The following CDH4 variants were observed in gnomAD, a reference collection of about 807,000 sequenced individuals.
CDH4 encodes cadherin 4.
A neutral mutation model predicts 86.0 loss-of-function variants in CDH4; 33 were observed. That is an observed-to-expected ratio of 0.38 (90% CI 0.29 to 0.51). The LOEUF (loss-of-function observed/expected upper bound fraction) is 0.51, where lower values mean the gene tolerates loss of function less well. CDH4 is among the 20% of genes least tolerant of loss of function. The probability of loss-of-function intolerance (pLI) is 0.86; values close to 1 mark genes in which losing one functional copy is unlikely to be tolerated. For missense variants in CDH4, 1,114 were observed against 1,307.4 expected, an observed-to-expected ratio of 0.85 and a Z score of 2.28; for synonymous variants, 555 against 549.4, an observed-to-expected ratio of 1.01 and a Z score of -0.14.
chr20:61,849,923 A>G (rs1982637298), intron 5 of CDH4, among the ~76,000 whole-genome samples: 1 of 152,168 alleles, frequency 6.6e-6, no homozygotes, highest in Admixed American at 6.5e-5. Context: ...CCTTGGGGCC[A>G]TCTTAGAGTT....
At chr20:61,869,011 G>A (rs896877857) in intron 6 of CDH4, among the ~76,000 whole-genome samples, 5 of 152,314 alleles carry the variant, frequency 3.3e-5, no homozygotes, top group South Asian at 2.1e-4. Flanking sequence ...GCCTCTAGAC[G>A]TGGCAAACGT....
chr20:61,394,091 G>A (rs1279776364), intron 2 of CDH4, among the ~76,000 whole-genome samples: 1 of 152,152 alleles, frequency 6.6e-6, no homozygotes, highest in Non-Finnish European at 1.5e-5. Flanking sequence ...GAGCAGGAAG[G>A]AGGCCACCCT....
intron 2 of CDH4, among the ~76,000 whole-genome samples, chr20:61,468,950 A>C (rs1356705335): frequency 6.6e-6 from 1 of 152,212 alleles, no homozygotes; most frequent in South Asian, 2.1e-4. Flanking sequence ...TTCTTTGTCC[A>C]CTCATCTGTT....
chr20:61,711,479 C>T (rs2087892578), intron 2 of CDH4, among the ~76,000 whole-genome samples: 1 of 152,228 alleles, frequency 6.6e-6, no homozygotes, highest in Admixed American at 6.5e-5. Context: ...ATCCTGGAGG[C>T]CACCTGTGTT....
At chr20:61,265,476 G>GTCTC (rs2084153435) in intron 2 of CDH4, among the ~76,000 whole-genome samples, 6 of 121,500 alleles carry the variant, frequency 4.9e-5, no homozygotes, top group South Asian at 2.8e-4. Context: ...ATCTTACACA[G>GTCTC]ACCTCAGTGG....
intron 7 of CDH4, among the ~76,000 whole-genome samples, chr20:61,881,943 C>A (rs907333568): frequency 1.3e-5 from 2 of 152,220 alleles, no homozygotes; most frequent in Non-Finnish European, 2.9e-5. Context: ...GAGGGAGACA[C>A]AGGGGAGAAG....
At chr20:61,890,229 G>T (rs902898805) in intron 7 of CDH4, among the ~76,000 whole-genome samples, 1 of 150,806 alleles carries the variant, frequency 6.6e-6, no homozygotes, top group African/African-American at 2.4e-5. Context: ...TGGGTGAGTG[G>T]ATGGATGGAT....
chr20:61,932,082 G>GGGA (rs1262344994), intron 13 of CDH4, among the ~76,000 whole-genome samples: 1 of 152,068 alleles, frequency 6.6e-6, no homozygotes, highest in African/African-American at 2.4e-5. Flanking sequence ...TTCAATATGG[G>GGGA]GGAGTCCATC....
At chr20:61,868,797 G>T (rs62206356) in intron 6 of CDH4, among the ~76,000 whole-genome samples, 77,210 of 149,990 alleles carry the variant, frequency 0.51, 21,717 homozygotes, top group Non-Finnish European at 0.62. Flanking sequence ...TTGTCACCTG[G>T]TTTCCCCACC....
chr20:61,644,492 C>G (rs2087041510), intron 2 of CDH4, among the ~76,000 whole-genome samples: 1 of 152,144 alleles, frequency 6.6e-6, no homozygotes, highest in Admixed American at 6.5e-5. Flanking sequence ...CAGATACTTG[C>G]AATAAAGGAG....
chr20:61,426,553 T>C (rs906246922), intron 2 of CDH4, among the ~76,000 whole-genome samples: 1 of 152,226 alleles, frequency 6.6e-6, no homozygotes, highest in Non-Finnish European at 1.5e-5. Flanking sequence ...CCCTTCCCCG[T>C]CACCTGCCTT....
At chr20:61,449,053 C>T (rs1421224532) in intron 2 of CDH4, among the ~76,000 whole-genome samples, 2 of 152,184 alleles carry the variant, frequency 1.3e-5, no homozygotes, top group East Asian at 3.9e-4. Context: ...TCTGTCACTT[C>T]ACACACAGCC....
chr20:61,810,570 G>A lies in CDH4; in HGVS notation c.577-34098G>A, dbSNP rs969033248. Among the ~76,000 whole-genome samples the A allele has an allele frequency of 2.6e-5, 4 of 152,080 alleles. No individual in the cohort carries two copies. The highest frequency in any genetic ancestry group is 6.5e-5 in the Admixed American group (1 of 15,280). On this transcript the variant is annotated intron_variant, in intron 4 of 15. Coordinates refer to ENST00000614565, the MANE Select transcript of CDH4 (RefSeq NM_001794.5). This position sits in a 1 kb window ranked among gnomAD's most constrained non-coding sequence, Gnocchi z 4.3. Reference sequence around the variant, plus strand: ...AGGAAGCCCGAGAGAGCCCCAGCCCGTGTGCCCGCCTCACCCTGCCTCCTG... The same window carrying A: ...AGGAAGCCCGAGAGAGCCCCAGCCCATGTGCCCGCCTCACCCTGCCTCCTG...
chr20:61,340,980 A>G (rs1165496531), intron 2 of CDH4, among the ~76,000 whole-genome samples: 6 of 152,184 alleles, frequency 3.9e-5, no homozygotes, highest in Non-Finnish European at 7.3e-5. Flanking sequence ...ACAGAAAGCA[A>G]CATCCCCATT....
At chr20:61,467,478 T>C (rs185815615) in intron 2 of CDH4, among the ~76,000 whole-genome samples, 2 of 152,290 alleles carry the variant, frequency 1.3e-5, no homozygotes, top group Non-Finnish European at 2.9e-5. Context: ...GGCAGTACAA[T>C]AGGCATGGTG....
intron 9 of CDH4, among the ~76,000 whole-genome samples, chr20:61,918,703 G>A (rs1350365720): frequency 6.6e-6 from 1 of 152,118 alleles, no homozygotes; most frequent in Non-Finnish European, 1.5e-5. Flanking sequence ...GTGGAAGCGT[G>A]GTATTGCAGT....
intron 2 of CDH4, among the ~76,000 whole-genome samples, chr20:61,441,395 G>T (rs985826138): frequency 8.5e-5 from 13 of 152,218 alleles, no homozygotes. Context: ...AGGCTTCTGG[G>T]CTCTGCTCGC....
intron 6 of CDH4, among the ~76,000 whole-genome samples, chr20:61,857,769 C>T (rs1435295127): frequency 6.6e-6 from 1 of 152,282 alleles, no homozygotes; most frequent in African/African-American, 2.4e-5. Context: ...CAGCCTCCCC[C>T]AAGGGTGATA....
intron 6 of CDH4, among the ~76,000 whole-genome samples, chr20:61,870,172 C>G (rs1275137543): frequency 6.6e-6 from 1 of 152,212 alleles, no homozygotes; most frequent in African/African-American, 2.4e-5. Flanking sequence ...GCTCCAAGCC[C>G]AGATCCTGGA....
Sources: allele counts gnomAD v4.1 joint callset (sites outside exome capture counted in the v4.1 genomes callset), GRCh38; gene constraint gnomAD v4.1.1; non-coding constraint Gnocchi (gnomAD v3.1); transcripts MANE v1.5; gene names NCBI Gene and HGNC (gene_info 2026-07-23, HGNC 2026-07-21).